Variants in EFCAB8 observed in about 807,000 individuals in gnomAD.
EFCAB8 encodes EF-hand calcium binding domain 8.
A neutral mutation model predicts 116.3 loss-of-function variants in EFCAB8; 100 were observed. That is an observed-to-expected ratio of 0.86 (90% CI 0.73 to 1.02). EFCAB8 has a LOEUF of 1.02. EFCAB8 is among the 50% of genes least tolerant of loss of function. The probability of loss-of-function intolerance (pLI) is 0.00; values close to 1 mark genes in which losing one functional copy is unlikely to be tolerated. For synonymous variants in EFCAB8, 558 were observed against 567.9 expected (o/e 0.98, Z 0.25); for missense variants, 1,320 against 1,416.9 (o/e 0.93, Z 1.10).
intron 7 of EFCAB8, 131 bp from the exon 8 acceptor site, chr20:32,892,082 G>A (rs1600391260): frequency 1.3e-6 from 1 of 769,720 alleles, no homozygotes; most frequent in East Asian, 2.7e-5. Context: ...ACAGCTGTCT[G>A]TGGTTGCCAT....
At chr20:32,928,445 C>G (rs1040787317) in intron 20 of EFCAB8, among the ~76,000 whole-genome samples, 1 of 152,030 alleles carries the variant, frequency 6.6e-6, no homozygotes, top group Admixed American at 6.6e-5. Context: ...CCATGTTGAC[C>G]AGGCTGGTCT....
intron 17 of EFCAB8, 52 bp from the exon 18 acceptor site, chr20:32,917,249 G>A (rs960591142): frequency 1.5e-6 from 2 of 1,378,648 alleles, no homozygotes; most frequent in African/African-American, 1.4e-5. Context: ...CCCAATGGAT[G>A]GAGCATTACA....
chr20:32,880,553 G>A (rs953001482), intron 5 of EFCAB8, among the ~76,000 whole-genome samples: 1 of 152,136 alleles, frequency 6.6e-6, no homozygotes, highest in African/African-American at 2.4e-5. Flanking sequence ...TTATAGGTGT[G>A]AGCCACTGTA....
intron 11 of EFCAB8, among the ~76,000 whole-genome samples, chr20:32,904,603 CT>C (rs35810642): frequency 0.44 from 42,346 of 96,310 alleles, 9,798 homozygotes; most frequent in Non-Finnish European, 0.56. Flanking sequence ...CTGAATGGAG[CT>C]TTTTTTTTTT....
intron 3 of EFCAB8, among the ~76,000 whole-genome samples, chr20:32,870,100 T>G (rs912473144): frequency 2.6e-5 from 4 of 152,190 alleles, no homozygotes; most frequent in African/African-American, 9.7e-5. Context: ...CTTTTGAGAT[T>G]TACAACCACA....
At chr20:32,930,293 A>G (rs1236921950) in intron 20 of EFCAB8, 105 bp from the exon 21 acceptor site, 2 of 935,144 alleles carry the variant, frequency 2.1e-6, no homozygotes, top group African/African-American at 1.7e-5. Context: ...CTGGGCATCT[A>G]GGAAACTGGG....
intron 8 of EFCAB8, 116 bp from the exon 9 acceptor site, chr20:32,893,058 C>G (rs1040045666): frequency 2.0e-5 from 26 of 1,291,126 alleles, no homozygotes; most frequent in Non-Finnish European, 2.8e-5. Flanking sequence ...CCAGGCTGGT[C>G]TCGAACTCCT....
At chr20:32,907,359 C>T (rs891827912) in intron 13 of EFCAB8, among the ~76,000 whole-genome samples, 6 of 150,984 alleles carry the variant, frequency 4.0e-5, no homozygotes, top group African/African-American at 1.5e-4. Flanking sequence ...CGTTCCCCTG[C>T]GCTGCCCCTG....
rs1192760647 is a variant in EFCAB8 at position 32,911,546 on chromosome 20, G to A, written c.1624G>A (p.Glu542Lys). ...WEVVTGRKTMEFAVSGGQHVE... is the reference protein window; with the variant it reads ...WEVVTGRKTMKFAVSGGQHVE... ...GGTCGTGACGGGCAGGAAGACGATG[G>A]AGTTTGCTGTGTCTGGGGGCCAGCA... The change falls in exon 16 of 27, where the codon GAG (glutamate) becomes AAG (lysine). Residue 542 changes from glutamate to lysine, a missense_variant. Transcript: ENST00000400522. The A allele has an allele frequency of 2.0e-6, 3 of 1,534,358 alleles. No individual in the cohort carries two copies. Among genetic ancestry groups the A allele is most frequent in the Non-Finnish European group, 2.6e-6 (3 of 1,136,094 alleles).
In EFCAB8 at chr20:32,930,496, T is replaced by G; in HGVS notation, c.2511T>G (p.Asn837Lys). ...GYIYAWSLHE[N>K]GGLLGKFPVD... Reference sequence around the variant, plus strand: ...TCTACGCCTGGTCCCTCCATGAGAATGGAGGCCTGCTGGGGAAGTTCCCTG... The same window carrying G: ...TCTACGCCTGGTCCCTCCATGAGAAGGGAGGCCTGCTGGGGAAGTTCCCTG... The change falls in exon 21 of 27, where the codon AAT (asparagine) becomes AAG (lysine). Residue 837 changes from asparagine (N) to lysine (K), a missense_variant. By Grantham distance (94) the Asn-to-Lys change is moderately conservative (BLOSUM62 0). Transcript: ENST00000400522. 1 of 1,552,148 alleles carries G rather than the reference T, an allele frequency of 6.4e-7. No homozygotes were observed. Among genetic ancestry groups the G allele is most frequent in the African/African-American group, 1.4e-5 (1 of 73,176 alleles).
chr20:32,927,493 C>T (rs533009792), intron 20 of EFCAB8, among the ~76,000 whole-genome samples: 33 of 152,134 alleles, frequency 2.2e-4, no homozygotes, highest in Admixed American at 1.3e-3. Context: ...TAAAGGTGCC[C>T]GCCACCATGC....
intron 22 of EFCAB8, among the ~76,000 whole-genome samples, chr20:32,942,260 CTTTG>C (rs762642109): frequency 3.3e-5 from 5 of 151,986 alleles, no homozygotes; most frequent in Non-Finnish European, 5.9e-5. Context: ...ATTAAGATGC[CTTTG>C]TTTATTAGTG....
chr20:32,899,262 G>A (rs1005101510), intron 11 of EFCAB8, among the ~76,000 whole-genome samples: 8 of 150,516 alleles, frequency 5.3e-5, no homozygotes, highest in East Asian at 2.0e-4. Flanking sequence ...ATAATTAGCC[G>A]GGCGTGGTGG....
chr20:32,860,786 T>A (rs974659438), intron 1 of EFCAB8, among the ~76,000 whole-genome samples: 16 of 152,132 alleles, frequency 1.1e-4, no homozygotes, highest in African/African-American at 3.9e-4. Flanking sequence ...ACCCAGGCCC[T>A]GGAGTGCAGT....
At chr20:32,901,148 G>A (rs181737816) in intron 11 of EFCAB8, among the ~76,000 whole-genome samples, 107 of 152,336 alleles carry the variant, frequency 7.0e-4, no homozygotes, top group Non-Finnish European at 7.1e-4. Context: ...GAATGGGGCC[G>A]TGTGGCAGAA....
intron 4 of EFCAB8, among the ~76,000 whole-genome samples, chr20:32,877,943 A>G (rs567561398): frequency 6.6e-6 from 1 of 152,292 alleles, no homozygotes; most frequent in South Asian, 2.1e-4. Flanking sequence ...GTGCTCTTTC[A>G]GTGAATGCTG....
At chr20:32,906,447 C>A in intron 11 of EFCAB8, 115 bp from the exon 12 acceptor site, 1 of 680,240 alleles carries the variant, frequency 1.5e-6, no homozygotes, top group African/African-American at 1.8e-5. Flanking sequence ...GTGACTCCTC[C>A]CTAGGCCTCC....
chr20:32,948,522 GAAAA>G (rs1287705360), intron 23 of EFCAB8, among the ~76,000 whole-genome samples: 1 of 47,444 alleles, frequency 2.1e-5, no homozygotes, highest in Non-Finnish European at 4.2e-5. Flanking sequence ...AGAAGAAAGT[GAAAA>G]AGAAAGAAAG....
intron 3 of EFCAB8, among the ~76,000 whole-genome samples, chr20:32,870,655 T>C (rs1473129969): frequency 6.6e-6 from 1 of 151,916 alleles, no homozygotes; most frequent in African/African-American, 2.4e-5. Context: ...TGTGCCACAA[T>C]ACCTGGGTAA....
Sources: gnomAD v4.1 joint callset for allele counts (sites outside exome capture counted in the v4.1 genomes callset) on GRCh38, gnomAD v4.1.1 for gene constraint, MANE v1.5 for transcripts, NCBI Gene and HGNC (gene_info 2026-07-23, HGNC 2026-07-21) for gene names.